ATG7: variants seen among roughly 807,000 people sequenced by gnomAD.
ATG7 encodes ubiquitin-like modifier-activating enzyme ATG7.
A neutral mutation model predicts 82.4 loss-of-function variants in ATG7; 70 were observed. That is an observed-to-expected ratio of 0.85 (90% CI 0.70 to 1.04). The LOEUF is 1.04. Ranked by LOEUF, ATG7 falls within the 50% of genes least tolerant of loss-of-function variation. ATG7 has a pLI of 0.00. For synonymous variants in ATG7, 287 were observed against 313.0 expected, an observed-to-expected ratio of 0.92 and a Z score of 0.88; for missense variants, 792 against 864.3, an observed-to-expected ratio of 0.92 and a Z score of 1.05.
At chr3:11,461,664 C>A (rs1427876228) in intron 20 of ATG7, among the ~76,000 whole-genome samples, 1 of 152,116 alleles carries the variant, frequency 6.6e-6, no homozygotes, top group African/African-American at 2.4e-5. Flanking sequence ...CTATAATTAA[C>A]CCCCAGAAAC....
At position 11,501,098 on chromosome 3, in the gene ATG7, TA is replaced by T. The variant is rs573676843; in HGVS notation, c.2080-53707del. 8.5e-5 allele frequency among the ~76,000 whole-genome samples: 13 copies of T among 152,154 alleles called. No individual in the cohort carries two copies. The South Asian group carries it at 2.5e-3, about 29-fold the overall frequency. ...AGCAAAATGCTGTCTCTACTAAAAATAAAAAATTGGCCAGGTATGGTGATAC... is the reference window on the plus strand; with the variant it reads ...AGCAAAATGCTGTCTCTACTAAAAATAAAAATTGGCCAGGTATGGTGATAC... On this transcript the variant is annotated intron_variant, in intron 20 of 20. Coordinates refer to ENST00000693202, the MANE Select transcript of ATG7 (RefSeq NM_001349232.2).
At chr3:11,481,835 C>CAA (rs778209963) in intron 20 of ATG7, among the ~76,000 whole-genome samples, 116 of 152,256 alleles carry the variant, frequency 7.6e-4, no homozygotes, top group Non-Finnish European at 1.4e-3. Context: ...TTGTGGACCG[C>CAA]AGTTTATTTA....
At chr3:11,417,665 T>C (rs1398447642) in intron 19 of ATG7, among the ~76,000 whole-genome samples, 1 of 151,978 alleles carries the variant, frequency 6.6e-6, no homozygotes, top group African/African-American at 2.4e-5. Context: ...ATTATTGATA[T>C]AATTGGATTA....
chr3:11,345,581 T>C (rs1036018087), intron 13 of ATG7, among the ~76,000 whole-genome samples: 1 of 152,182 alleles, frequency 6.6e-6, no homozygotes, highest in Non-Finnish European at 1.5e-5. Context: ...AAATCTTCCT[T>C]TTATCTTTTA....
At chr3:11,538,545 C>T (rs2070521419) in intron 20 of ATG7, among the ~76,000 whole-genome samples, 1 of 151,716 alleles carries the variant, frequency 6.6e-6, no homozygotes, top group Admixed American at 6.6e-5. Context: ...GAATATGACA[C>T]AGAATAGGCC....
intron 19 of ATG7, among the ~76,000 whole-genome samples, chr3:11,405,020 C>T (rs1008331172): frequency 7.2e-5 from 11 of 152,142 alleles, no homozygotes; most frequent in Admixed American, 3.9e-4. Flanking sequence ...TTTTCAAAGC[C>T]TCCTTTAGTA....
At chr3:11,574,578 A>AC in the ATG7 span, among the ~76,000 whole-genome samples, 1 of 152,190 alleles carries the variant, frequency 6.6e-6, no homozygotes, top group Non-Finnish European at 1.5e-5. Context: ...CACTATGGTC[A>AC]CCTAGACCAC....
intron 20 of ATG7, among the ~76,000 whole-genome samples, chr3:11,516,963 G>A (rs1365141484): frequency 6.6e-6 from 1 of 151,974 alleles, no homozygotes; most frequent in Non-Finnish European, 1.5e-5. Flanking sequence ...CGTGCCTGTA[G>A]TCCCAGCTAC....
intron 20 of ATG7, among the ~76,000 whole-genome samples, chr3:11,554,551 AG>A (rs564985824): frequency 3.9e-5 from 6 of 152,290 alleles, no homozygotes; most frequent in Admixed American, 2.0e-4. Context: ...GTGGACATGC[AG>A]GAGGTGAGCA....
At chr3:11,494,233 T>C (rs2090630255) in intron 20 of ATG7, among the ~76,000 whole-genome samples, 1 of 152,174 alleles carries the variant, frequency 6.6e-6, no homozygotes, top group East Asian at 1.9e-4. Context: ...TGAAACTACA[T>C]GCAGGAAAAC....
chr3:11,409,697 T>C (rs1426120551), intron 19 of ATG7, among the ~76,000 whole-genome samples: 2 of 152,310 alleles, frequency 1.3e-5, no homozygotes, highest in South Asian at 2.1e-4. Flanking sequence ...TTTATAGTTT[T>C]GTGTTTTATA....
chr3:11,519,253 C>A (rs1391330691), intron 20 of ATG7, among the ~76,000 whole-genome samples: 1 of 151,990 alleles, frequency 6.6e-6, no homozygotes, highest in Non-Finnish European at 1.5e-5. Flanking sequence ...AAAAACTAAC[C>A]ATTATATTGT....
chr3:11,292,538 G>C (rs1029295653), intron 3 of ATG7, among the ~76,000 whole-genome samples: 2 of 151,998 alleles, frequency 1.3e-5, no homozygotes, highest in Non-Finnish European at 2.9e-5. Flanking sequence ...AGGATTACAG[G>C]CGTGAGCCAC....
At chr3:11,277,154 T>G (rs1941991205) in intron 1 of ATG7, 1 of 152,402 alleles carries the variant, frequency 6.6e-6, no homozygotes, top group African/African-American at 2.4e-5. Flanking sequence ...CTCCCTCATT[T>G]CAGGCTCCCC....
intron 20 of ATG7, among the ~76,000 whole-genome samples, chr3:11,455,412 C>G (rs761403345): frequency 6.6e-6 from 1 of 152,116 alleles, no homozygotes; most frequent in Non-Finnish European, 1.5e-5. Flanking sequence ...TCCCAGTGCA[C>G]CTGTTCTGCT....
intron 20 of ATG7, among the ~76,000 whole-genome samples, chr3:11,492,214 G>T (rs1418802568): frequency 6.6e-6 from 1 of 152,220 alleles, no homozygotes; most frequent in African/African-American, 2.4e-5. Context: ...GGGTGGGAGT[G>T]ACCCGATTTT....
intron 20 of ATG7, among the ~76,000 whole-genome samples, chr3:11,468,158 G>GA (rs1201623466): frequency 6.6e-6 from 1 of 152,196 alleles, no homozygotes; most frequent in Non-Finnish European, 1.5e-5. Flanking sequence ...GCCCTTTGAG[G>GA]TATGGCTGGA....
intron 3 of ATG7, among the ~76,000 whole-genome samples, chr3:11,286,044 TG>T (rs1943939368): frequency 6.6e-6 from 1 of 152,210 alleles, no homozygotes; most frequent in Non-Finnish European, 1.5e-5. Context: ...TTTTTCAACT[TG>T]GGTTTATCTG....
At chr3:11,388,147 A>G (rs2078459657) in intron 19 of ATG7, among the ~76,000 whole-genome samples, 2 of 152,002 alleles carry the variant, frequency 1.3e-5, no homozygotes, top group African/African-American at 2.4e-5. Context: ...GGCTGCCCCT[A>G]TGGCTTTGGG....
Sources: allele counts gnomAD v4.1 joint callset (sites outside exome capture counted in the v4.1 genomes callset), GRCh38; gene constraint gnomAD v4.1.1; transcripts MANE v1.5; gene names NCBI Gene and HGNC (gene_info 2026-07-23, HGNC 2026-07-21).